VPS13B: variants seen among roughly 807,000 people sequenced by gnomAD.
The protein encoded by VPS13B is intermembrane lipid transfer protein VPS13B.
VPS13B carries 285 observed loss-of-function variants against 426.4 expected under a neutral mutation model. The observed-to-expected ratio is 0.67, with a 90% CI of 0.61 to 0.74. The LOEUF (loss-of-function observed/expected upper bound fraction) is 0.74, where lower values mean the gene tolerates loss of function less well. Ranked by LOEUF, VPS13B falls within the 30% of genes least tolerant of loss-of-function variation. The pLI is 0.00. For synonymous variants in VPS13B, 1,676 were observed against 1,676.4 expected (o/e 1.00, Z 0.01); for missense variants, 4,537 against 4,782.6 (o/e 0.95, Z 1.51).
At chr8:99,456,012 G>C (rs1049320452) in intron 23 of VPS13B, among the ~76,000 whole-genome samples, 2 of 152,126 alleles carry the variant, frequency 1.3e-5, no homozygotes, top group African/African-American at 4.8e-5. Context: ...AATTTATGTT[G>C]AACAGTTCAA....
chr8:99,848,830 G>A lies in VPS13B; in HGVS notation c.9997G>A (p.Gly3333Ser). Residue 3333 changes from glycine (G) to serine (S), a missense_variant, in exon 55 of 62, where the codon GGC becomes AGC. Gly to Ser is a moderately conservative substitution (Grantham distance 56). Around this residue, in one of 2 missense-constraint regions of VPS13B, gnomAD observed 4,311 missense variants for 4,474.3 expected, o/e 0.96. Coordinates refer to ENST00000357162, the MANE Select transcript of VPS13B (RefSeq NM_152564.5). ...GTATGTGGATGTTGTACATCAGTGT[G>A]GCACAGTCTTCATCACTGTGGCCCC... ...YVYVDVVHQC[G>S]TVFITVAPEG... The A allele has an allele frequency of 6.2e-7, 1 of 1,614,050 alleles. No homozygotes were observed. Among genetic ancestry groups the A allele is most frequent in the East Asian group, 2.2e-5 (1 of 44,876 alleles).
chr8:99,500,485 G>A (rs1025939508), intron 25 of VPS13B, among the ~76,000 whole-genome samples: 1 of 151,988 alleles, frequency 6.6e-6, no homozygotes, highest in Non-Finnish European at 1.5e-5. Context: ...TTAACTGTAT[G>A]AGATAAATAT....
intron 17 of VPS13B, among the ~76,000 whole-genome samples, chr8:99,230,921 G>A (rs1563615898): frequency 2.0e-5 from 3 of 152,198 alleles, no homozygotes; most frequent in Non-Finnish European, 4.4e-5. Context: ...AGTGTCATTT[G>A]TGGCATTCCT....
At chr8:99,608,748 AAT>A (rs1827712520) in intron 33 of VPS13B, among the ~76,000 whole-genome samples, 1 of 152,112 alleles carries the variant, frequency 6.6e-6, no homozygotes, top group African/African-American at 2.4e-5. Context: ...GGGGTCATAT[AAT>A]ATGTGGTCCT....
At position 99,578,119 on chromosome 8, in the gene VPS13B, T is replaced by C. The variant is rs539364683; in HGVS notation, c.5220+486T>C. Among the ~76,000 whole-genome samples, 17 of 152,302 alleles carry C rather than the reference T, an allele frequency of 1.1e-4. No homozygotes were observed. The East Asian group carries it at 3.1e-3, about 28-fold the overall frequency. ...TGCCTGCCTAGAATTTTAATTTTGA[T>C]ACAGTGTTCATTGGAAGCCTGTATT... is the stretch of plus-strand genomic sequence containing the variant. On this transcript the variant is annotated intron_variant, in intron 33 of 61. Coordinates refer to ENST00000357162, the MANE Select transcript of VPS13B (RefSeq NM_152564.5).
At chr8:99,399,532 T>C (rs1320423568) in intron 21 of VPS13B, among the ~76,000 whole-genome samples, 1 of 152,200 alleles carries the variant, frequency 6.6e-6, no homozygotes, top group Non-Finnish European at 1.5e-5. Flanking sequence ...ATGAAGGTAA[T>C]AGTTTATGAA....
intron 56 of VPS13B, among the ~76,000 whole-genome samples, chr8:99,858,078 G>A (rs1816644352): frequency 6.6e-6 from 1 of 152,182 alleles, no homozygotes. Flanking sequence ...TCACAGGACT[G>A]TCCTCCTCTT....
At chr8:99,635,267 A>T (rs1829024387) in intron 33 of VPS13B, among the ~76,000 whole-genome samples, 1 of 152,020 alleles carries the variant, frequency 6.6e-6, no homozygotes, top group African/African-American at 2.4e-5. Flanking sequence ...TAAAATTAGG[A>T]TGAAGATCAC....
chr8:99,866,012 C>T (rs1043318402), intron 58 of VPS13B, among the ~76,000 whole-genome samples: 3 of 152,208 alleles, frequency 2.0e-5, no homozygotes, highest in Non-Finnish European at 4.4e-5. Context: ...CAGGCAATAG[C>T]TCCTGTGTCC....
chr8:99,200,136 T>A (rs1482221198), intron 17 of VPS13B, among the ~76,000 whole-genome samples: 2 of 152,194 alleles, frequency 1.3e-5, no homozygotes, highest in Non-Finnish European at 2.9e-5. Context: ...TATAAATGAA[T>A]TACATAAAAT....
At chr8:99,126,016 AAG>A (rs1488035463) in intron 8 of VPS13B, among the ~76,000 whole-genome samples, 3 of 152,122 alleles carry the variant, frequency 2.0e-5, no homozygotes, top group Non-Finnish European at 4.4e-5. Flanking sequence ...CGATATAGGC[AAG>A]AGGGGGAGAA....
At chr8:99,212,874 C>T (rs2132802641) in intron 17 of VPS13B, among the ~76,000 whole-genome samples, 1 of 152,240 alleles carries the variant, frequency 6.6e-6, no homozygotes, top group Middle Eastern at 3.4e-3. Flanking sequence ...ATGTTCTTAA[C>T]CATATCAACC....
intron 19 of VPS13B, among the ~76,000 whole-genome samples, chr8:99,319,069 A>G (rs1308169507): frequency 6.6e-6 from 1 of 152,196 alleles, no homozygotes; most frequent in Non-Finnish European, 1.5e-5. Context: ...TCTATATAAT[A>G]TAATCTTATT....
At chr8:99,029,775 CG>C (rs1360914356) in intron 2 of VPS13B, among the ~76,000 whole-genome samples, 1 of 120,838 alleles carries the variant, frequency 8.3e-6, no homozygotes, top group East Asian at 2.5e-4. Context: ...GGAAGGAGAC[CG>C]TGGAAAGAGG....
chr8:99,065,464 G>A (rs4461878), intron 3 of VPS13B, among the ~76,000 whole-genome samples: 1 of 152,064 alleles, frequency 6.6e-6, no homozygotes, highest in African/African-American at 2.4e-5. Context: ...ATTTAACAGC[G>A]CTTCATACTA....
intron 39 of VPS13B, among the ~76,000 whole-genome samples, chr8:99,754,906 C>T (rs1810564252): frequency 6.6e-6 from 1 of 152,138 alleles, no homozygotes; most frequent in African/African-American, 2.4e-5. Flanking sequence ...CACTCCCTGC[C>T]ACAACACCTA....
intron 33 of VPS13B, among the ~76,000 whole-genome samples, chr8:99,580,984 A>AACACACACACACAC (rs34074519): frequency 5.4e-4 from 69 of 126,678 alleles, no homozygotes; most frequent in East Asian, 9.7e-4. Flanking sequence ...ATCTCTACAA[A>AACACACACACACAC]ACACACACAC....
At chr8:99,722,758 C>T (rs929103485) in intron 39 of VPS13B, among the ~76,000 whole-genome samples, 12 of 152,122 alleles carry the variant, frequency 7.9e-5, no homozygotes, top group Non-Finnish European at 1.2e-4. Context: ...CCACCTGCCT[C>T]GGCCTCCCAA....
chr8:99,875,023 A>G (rs1268162943), intron 61 of VPS13B: 1 of 267,798 alleles, frequency 3.7e-6, no homozygotes. Flanking sequence ...CTTTTATTTC[A>G]GTGCTGAGTT....
Sources: gnomAD v4.1 joint callset for allele counts (sites outside exome capture counted in the v4.1 genomes callset) on GRCh38, gnomAD v4.1.1 for gene constraint, gnomAD v4.1.1 regional missense constraint, MANE v1.5 for transcripts, NCBI Gene and HGNC (gene_info 2026-07-23, HGNC 2026-07-21) for gene names.